The following MBD5 variants were observed in gnomAD, a reference collection of about 807,000 sequenced individuals.
MBD5 encodes the protein methyl-CpG binding domain protein 5.
A neutral mutation model predicts 117.3 loss-of-function variants in MBD5; 13 were observed. The ratio of observed to expected loss-of-function variants is 0.11; its 90% CI spans 0.07 to 0.18. MBD5 has a LOEUF of 0.18. Ranked by LOEUF, MBD5 falls within the 10% of genes least tolerant of loss-of-function variation. MBD5 has a pLI of 1.00. For synonymous variants in MBD5, 727 were observed against 766.4 expected (o/e 0.95, Z 0.85); for missense variants, 1,879 against 2,093.8 (o/e 0.90, Z 2.00).
chr2:148,394,106 GTC>G (rs1284960671), intron 4 of MBD5, among the ~76,000 whole-genome samples: 3 of 152,188 alleles, frequency 2.0e-5, no homozygotes, highest in Admixed American at 6.5e-5. Context: ...AGTATGTGGG[GTC>G]CTGTTGTTTT....
chr2:148,083,428 T>C (rs1184317172), intron 1 of MBD5, among the ~76,000 whole-genome samples: 2 of 152,140 alleles, frequency 1.3e-5, no homozygotes, highest in African/African-American at 4.8e-5. Flanking sequence ...ACATATTTTC[T>C]TTGTTAAAAA....
At chr2:148,262,516 C>T (rs1420557099) in intron 3 of MBD5, among the ~76,000 whole-genome samples, 1 of 152,016 alleles carries the variant, frequency 6.6e-6, no homozygotes, top group Non-Finnish European at 1.5e-5. Context: ...CTCACAGCCA[C>T]CCTATAATAC....
At chr2:148,159,822 G>A (rs190786433) in intron 1 of MBD5, among the ~76,000 whole-genome samples, 1 of 152,196 alleles carries the variant, frequency 6.6e-6, no homozygotes, top group East Asian at 1.9e-4. Flanking sequence ...CATTATCTCT[G>A]TTTTCATAAA....
At chr2:148,094,815 C>T (rs1013638928) in intron 1 of MBD5, among the ~76,000 whole-genome samples, 4 of 152,078 alleles carry the variant, frequency 2.6e-5, no homozygotes, top group Non-Finnish European at 2.9e-5. Flanking sequence ...AAGCCAGGTA[C>T]ATATAGCTAT....
At chr2:148,509,906 C>T (rs573684959) in intron 12 of MBD5, among the ~76,000 whole-genome samples, 154 bp from the exon 13 acceptor site, 10 of 152,284 alleles carry the variant, frequency 6.6e-5, no homozygotes, top group African/African-American at 2.4e-4. Flanking sequence ...TGATAAGAAT[C>T]CCAGAGTGAT....
At chr2:148,365,727 G>A (rs1703678456) in intron 4 of MBD5, among the ~76,000 whole-genome samples, 1 of 152,054 alleles carries the variant, frequency 6.6e-6, no homozygotes, top group Admixed American at 6.6e-5. Context: ...AGAAAATATA[G>A]AGGAAATGGA....
chr2:148,057,163 T>G (rs1694889732), intron 1 of MBD5, among the ~76,000 whole-genome samples: 1 of 151,888 alleles, frequency 6.6e-6, no homozygotes, highest in South Asian at 2.1e-4. Context: ...AACCAGTTTT[T>G]TGTATTACTG....
At chr2:148,488,912 G>GTT (rs5835196) in intron 10 of MBD5, among the ~76,000 whole-genome samples, 2 of 152,018 alleles carry the variant, frequency 1.3e-5, no homozygotes, top group African/African-American at 4.8e-5. Context: ...GAGTTTATAT[G>GTT]TTTTTTTAAA....
chr2:148,035,469 C>A (rs1320862734), intron 1 of MBD5, among the ~76,000 whole-genome samples: 1 of 152,042 alleles, frequency 6.6e-6, no homozygotes, highest in Admixed American at 6.6e-5. Flanking sequence ...CATTTTTGTG[C>A]TGTTCTGCAC....
intron 1 of MBD5, chr2:148,024,943 T>A (rs868797555): frequency 3.3e-5 from 5 of 152,206 alleles, no homozygotes; most frequent in African/African-American, 4.8e-5. Context: ...TTCCCTGACT[T>A]TGTTTTTTTG....
At chr2:148,376,990 TAGAG>T (rs1477859778) in intron 4 of MBD5, among the ~76,000 whole-genome samples, 1 of 148,454 alleles carries the variant, frequency 6.7e-6, no homozygotes, top group Admixed American at 6.8e-5. Context: ...AGGATACATT[TAGAG>T]AGAGAGGATA....
At chr2:148,039,703 ATTAAT>A (rs1181010038) in intron 1 of MBD5, among the ~76,000 whole-genome samples, 5 of 152,130 alleles carry the variant, frequency 3.3e-5, no homozygotes, top group South Asian at 2.1e-4. Context: ...TATCTTCAAG[ATTAAT>A]TTATAGAGTC....
intron 3 of MBD5, among the ~76,000 whole-genome samples, chr2:148,321,726 C>A (rs1458641945): frequency 6.6e-6 from 1 of 151,996 alleles, no homozygotes; most frequent in Non-Finnish European, 1.5e-5. Flanking sequence ...TGCTTACTCT[C>A]TCTTTCCTCT....
chr2:148,229,465 A>G (rs1699928516), intron 2 of MBD5, among the ~76,000 whole-genome samples: 1 of 152,160 alleles, frequency 6.6e-6, no homozygotes, highest in African/African-American at 2.4e-5. Flanking sequence ...GAAAAGTCAC[A>G]TATCTCTGTT....
chr2:148,165,868 A>T (rs1698115343), intron 1 of MBD5, among the ~76,000 whole-genome samples: 1 of 152,118 alleles, frequency 6.6e-6, no homozygotes, highest in Non-Finnish European at 1.5e-5. Context: ...TAAATCACTC[A>T]TATGGAGCAA....
intron 4 of MBD5, among the ~76,000 whole-genome samples, chr2:148,401,022 C>T (rs533073827): frequency 6.6e-6 from 1 of 152,260 alleles, no homozygotes; most frequent in East Asian, 1.9e-4. Context: ...ATAAATATAT[C>T]TGACTTTTGA....
chr2:148,307,343 T>G (rs1008547769), intron 3 of MBD5, among the ~76,000 whole-genome samples: 24 of 152,104 alleles, frequency 1.6e-4, no homozygotes, highest in Non-Finnish European at 5.9e-5. Context: ...TTTAAAGAAC[T>G]TTATAAGTAA....
At chr2:148,063,977 A>G (rs1052958301) in intron 1 of MBD5, among the ~76,000 whole-genome samples, 1 of 151,998 alleles carries the variant, frequency 6.6e-6, no homozygotes, top group African/African-American at 2.4e-5. Context: ...TTGAAGATTG[A>G]TAATATGTCT....
At chr2:148,070,366 T>C (rs1695317906) in intron 1 of MBD5, among the ~76,000 whole-genome samples, 1 of 152,210 alleles carries the variant, frequency 6.6e-6, no homozygotes, top group Non-Finnish European at 1.5e-5. Flanking sequence ...GTAGCATGTT[T>C]GCTACTAGTA....
Sources: gnomAD v4.1 joint callset for allele counts (sites outside exome capture counted in the v4.1 genomes callset) on GRCh38, gnomAD v4.1.1 for gene constraint, MANE v1.5 for transcripts, NCBI Gene and HGNC (gene_info 2026-07-23, HGNC 2026-07-21) for gene names.